Variants in COLEC12 observed in about 807,000 individuals in gnomAD.
COLEC12 encodes collectin-12.
In COLEC12, 33 loss-of-function variants were observed where a neutral mutation model predicts 71.1. The ratio of observed to expected loss-of-function variants is 0.46; its 90% CI spans 0.35 to 0.62. The LOEUF (loss-of-function observed/expected upper bound fraction) is 0.62. Among genes scored for constraint, COLEC12 ranks in the 20% least tolerant of loss-of-function variants. COLEC12 has a pLI of 0.00. For missense variants in COLEC12, 765 were observed against 916.1 expected (o/e 0.84, Z 2.13); for synonymous variants, 350 against 353.0 (o/e 0.99, Z 0.10).
At chr18:441,215 T>G (rs1916524481) in intron 2 of COLEC12, among the ~76,000 whole-genome samples, 1 of 150,496 alleles carries the variant, frequency 6.6e-6, no homozygotes, top group African/African-American at 2.4e-5. Context: ...GCCACTGCAC[T>G]CCAGCCTGGG....
At chr18:478,591 T>C (rs1361970784) in intron 2 of COLEC12, among the ~76,000 whole-genome samples, 1 of 152,168 alleles carries the variant, frequency 6.6e-6, no homozygotes, top group Non-Finnish European at 1.5e-5. Flanking sequence ...CTAGCCTGAA[T>C]GACAGAGCAA....
chr18:353,746 T>C (rs1017243409), intron 3 of COLEC12, among the ~76,000 whole-genome samples: 1 of 152,228 alleles, frequency 6.6e-6, no homozygotes, highest in African/African-American at 2.4e-5. Flanking sequence ...ACTTCCTCTC[T>C]CTGGGACCTG....
intron 2 of COLEC12, among the ~76,000 whole-genome samples, chr18:428,589 A>C (rs1916241564): frequency 1.3e-5 from 2 of 152,332 alleles, no homozygotes; most frequent in African/African-American, 2.4e-5. Context: ...GTTTAGGTAC[A>C]GGTCTTTGGG....
At chr18:394,359 G>T (rs1327323284) in intron 2 of COLEC12, among the ~76,000 whole-genome samples, 2 of 152,362 alleles carry the variant, frequency 1.3e-5, no homozygotes, top group East Asian at 3.9e-4. Flanking sequence ...TAACCCCAGA[G>T]GGGGCTGGAA....
rs1405129504 is a variant in COLEC12, at chr18:480,742, T to A, written c.23A>T (p.Glu8Val). Reference sequence around the variant, plus strand: ...GTAACCGAAGGATTGCACCTCCTCCTCCTCTGCGAAGTCGTCTGTGAGAGA... The same window carrying A: ...GTAACCGAAGGATTGCACCTCCTCCACCTCTGCGAAGTCGTCTGTGAGAGA... MKDDFAEEEEVQSFGYKR... is the reference protein window; with the variant it reads MKDDFAEVEEVQSFGYKR... The change falls in exon 2 of 10, where the codon GAG becomes GTG. Residue 8 changes from glutamate (E) to valine (V), a missense_variant. Physicochemically the swap from Glu to Val is moderately radical, Grantham distance 121 (BLOSUM62 -2). Transcript: ENST00000400256. The surrounding 1 kb of genome is among the most constrained non-coding windows in gnomAD (Gnocchi z 4.1). The A allele has an allele frequency of 1.2e-6, 2 of 1,613,900 alleles. No individual in the cohort carries two copies. Among genetic ancestry groups the A allele is most frequent in the African/African-American group, 2.7e-5 (2 of 74,892 alleles).
intron 2 of COLEC12, among the ~76,000 whole-genome samples, chr18:375,216 T>C (rs1915086774): frequency 6.6e-6 from 1 of 152,178 alleles, no homozygotes; most frequent in Non-Finnish European, 1.5e-5. Flanking sequence ...GGCCCTACAC[T>C]GTCTGCCTCC....
chr18:382,001 C>CT (rs1292194118), intron 2 of COLEC12, among the ~76,000 whole-genome samples: 1 of 128,360 alleles, frequency 7.8e-6, no homozygotes, highest in Non-Finnish European at 1.8e-5. Flanking sequence ...CTCTTACAGA[C>CT]TTAAAAAAAA....
chr18:363,446 G>A (rs139273126), intron 2 of COLEC12, among the ~76,000 whole-genome samples: 14 of 152,282 alleles, frequency 9.2e-5, no homozygotes, highest in African/African-American at 3.1e-4. Flanking sequence ...TGTTACCAAA[G>A]AGAAGCTTTA....
intron 3 of COLEC12, among the ~76,000 whole-genome samples, chr18:351,495 C>A (rs1216609418): frequency 1.3e-5 from 2 of 152,132 alleles, no homozygotes; most frequent in Non-Finnish European, 2.9e-5. Context: ...ACATTCAATT[C>A]CATCTCTTCC....
chr18:394,798 T>C (rs1190548206), intron 2 of COLEC12, among the ~76,000 whole-genome samples: 1 of 152,160 alleles, frequency 6.6e-6, no homozygotes, highest in Non-Finnish European at 1.5e-5. Flanking sequence ...CTACTGTTCT[T>C]CCCATGACAC....
chr18:473,142 G>C (rs1180795689), intron 2 of COLEC12, among the ~76,000 whole-genome samples: 1 of 152,140 alleles, frequency 6.6e-6, no homozygotes, highest in African/African-American at 2.4e-5. Flanking sequence ...ACCAGTATGT[G>C]AATCAGGACT....
intron 2 of COLEC12, among the ~76,000 whole-genome samples, chr18:359,729 T>C (rs1490426281): frequency 6.6e-6 from 1 of 152,228 alleles, no homozygotes; most frequent in Admixed American, 6.5e-5. Flanking sequence ...CCTGTTTTCC[T>C]GACCTGTTTC....
chr18:371,473 G>A (rs1217631118), intron 2 of COLEC12, among the ~76,000 whole-genome samples: 2 of 151,782 alleles, frequency 1.3e-5, no homozygotes, highest in African/African-American at 4.8e-5. Flanking sequence ...TCCAAGTGGA[G>A]CTGGAAAAGC....
At chr18:427,657 G>C (rs1598359924) in intron 2 of COLEC12, among the ~76,000 whole-genome samples, 1 of 152,174 alleles carries the variant, frequency 6.6e-6, no homozygotes, top group Admixed American at 6.5e-5. Context: ...CTTCTTCATT[G>C]TTGTATTCTC....
intron 2 of COLEC12, among the ~76,000 whole-genome samples, chr18:363,168 T>C (rs987663914): frequency 6.6e-6 from 1 of 152,120 alleles, no homozygotes; most frequent in Non-Finnish European, 1.5e-5. Flanking sequence ...TGGTTCTCCA[T>C]AAAGAGCCCT....
At chr18:447,406 G>A (rs1916673968) in intron 2 of COLEC12, among the ~76,000 whole-genome samples, 1 of 152,206 alleles carries the variant, frequency 6.6e-6, no homozygotes, top group Admixed American at 6.5e-5. Context: ...TTCTCAAGGA[G>A]GTAGAGGGAG....
chr18:365,508 T>C (rs780208033), intron 2 of COLEC12, among the ~76,000 whole-genome samples: 2 of 152,194 alleles, frequency 1.3e-5, no homozygotes, highest in Non-Finnish European at 2.9e-5. Context: ...AGTTCTAGTA[T>C]GCTTGAAATG....
At chr18:369,406 T>A (rs1369730955) in intron 2 of COLEC12, among the ~76,000 whole-genome samples, 2 of 141,662 alleles carry the variant, frequency 1.4e-5, no homozygotes, top group East Asian at 4.1e-4. Context: ...TATTTTTTTT[T>A]ATTTTTATTT....
intron 5 of COLEC12, 129 bp from the exon 6 acceptor site, chr18:335,359 C>T (rs1197503487): frequency 1.0e-6 from 1 of 1,001,146 alleles, no homozygotes. Flanking sequence ...CAGGGAAAGA[C>T]CATCTGTTTA....
Sources: gnomAD v4.1 joint callset for allele counts (sites outside exome capture counted in the v4.1 genomes callset) on GRCh38, gnomAD v4.1.1 for gene constraint, Gnocchi (gnomAD v3.1) non-coding constraint, MANE v1.5 for transcripts, NCBI Gene and HGNC (gene_info 2026-07-23, HGNC 2026-07-21) for gene names.